YAF2: variants seen among roughly 807,000 people sequenced by gnomAD.
YAF2 encodes the protein YY1-associated factor 2.
A neutral mutation model predicts 20.1 loss-of-function variants in YAF2; 7 were observed. The observed-to-expected ratio is 0.35, with a 90% CI of 0.20 to 0.65. The LOEUF (loss-of-function observed/expected upper bound fraction) is 0.65, where lower values mean the gene tolerates loss of function less well. Ranked by LOEUF, YAF2 falls within the 30% of genes least tolerant of loss-of-function variation. The pLI, the probability that YAF2 is intolerant of heterozygous loss-of-function variation, is 0.69. For missense variants in YAF2, 151 were observed against 219.2 expected (o/e 0.69, Z 1.96); for synonymous variants, 74 against 76.0 (o/e 0.97, Z 0.14).
chr12:42,160,569 G>A lies in YAF2; in HGVS notation c.*20C>T. 6.3e-7 allele frequency: 1 copy of A among 1,594,450 alleles called. No individual in the cohort carries two copies. The highest frequency in any genetic ancestry group is 8.6e-7 in the Non-Finnish European group (1 of 1,164,154). The stretch of plus-strand genomic sequence containing the variant: ...TGCATGGTAGGACAGAAGTGACTAA[G>A]AAATTGGAGAAAATAAACTTTAATG... On this transcript the variant is annotated 3_prime_UTR_variant, in exon 4 of 4. Transcript: ENST00000534854.
At chr12:42,210,387 CCTCACAGATCCACCT>C (rs1381124046) in intron 2 of YAF2, 1 of 1,531,726 alleles carries the variant, frequency 6.5e-7, no homozygotes, top group South Asian at 1.2e-5. Context: ...GGGTCTTTTC[CCTCACAGATCCACCT>C]CTCTTGCCCT....
intron 2 of YAF2, among the ~76,000 whole-genome samples, chr12:42,227,732 C>T (rs1481160877): frequency 5.3e-5 from 8 of 150,390 alleles, no homozygotes; most frequent in Admixed American, 5.3e-4. Flanking sequence ...GCAGCCACCC[C>T]GTCCGGGAGG....
intron 2 of YAF2, among the ~76,000 whole-genome samples, chr12:42,165,902 A>ATCTATCTATCTATCTATCTATCTG (rs1178134121): frequency 2.0e-4 from 29 of 146,622 alleles, no homozygotes; most frequent in African/African-American, 6.6e-4. Flanking sequence ...CTATCTATCT[A>ATCTATCTATCTATCTATCTATCTG]TCTGTCTATA....
rs567367265 is a variant in YAF2 at position 42,231,019 on chromosome 12, A to G, written c.152+6580T>C. ...ATACCTGCTGAAGTAAAGCCATTGC[A>G]TGTAGAAACCCAAGCCAATAAACTC... On this transcript the variant is annotated intron_variant, in intron 2 of 3. Transcript: ENST00000534854. Among the ~76,000 whole-genome samples the G allele has an allele frequency of 1.6e-3, 247 of 152,346 alleles. 1 individual carries two copies. The highest frequency in any genetic ancestry group is 8.3e-3 in the South Asian group (40 of 4,826).
At chr12:42,231,060 C>T (rs1411807872) in intron 2 of YAF2, among the ~76,000 whole-genome samples, 7 of 152,152 alleles carry the variant, frequency 4.6e-5, no homozygotes, top group African/African-American at 1.2e-4. Flanking sequence ...CAGCAGTTCA[C>T]AAACTTTTTG....
At chr12:42,213,281 T>C (rs374948198) in intron 2 of YAF2, among the ~76,000 whole-genome samples, 16 of 152,370 alleles carry the variant, frequency 1.1e-4, no homozygotes, top group Middle Eastern at 6.8e-3. Context: ...GAAGCAGGTG[T>C]TCTAAGGTCT....
At chr12:42,219,104 A>G (rs2067443052) in intron 2 of YAF2, among the ~76,000 whole-genome samples, 1 of 152,248 alleles carries the variant, frequency 6.6e-6, no homozygotes, top group Non-Finnish European at 1.5e-5. Flanking sequence ...ACAAATTAAG[A>G]GAAATCCTAA....
intron 2 of YAF2, among the ~76,000 whole-genome samples, chr12:42,196,784 A>G (rs946153690): frequency 2.0e-5 from 3 of 152,230 alleles, no homozygotes; most frequent in African/African-American, 7.2e-5. Context: ...TAGCCATTAA[A>G]TTTCTTTGAA....
chr12:42,178,406 G>T lies in YAF2; in HGVS notation c.153-16641C>A, dbSNP rs554118327. 1.2e-4 allele frequency among the ~76,000 whole-genome samples: 19 copies of T among 152,152 alleles called. No homozygotes were observed. The South Asian group carries it at 1.9e-3, about 15-fold the overall frequency. On this transcript the variant is annotated intron_variant, in intron 2 of 3. Transcript: ENST00000534854. ...GGCCTATAAAACAAGATCAAATCAG[G>T]ATCTGCCAGGTGAAGCAAATTATTA...
At chr12:42,197,248 A>G (rs563636864) in intron 2 of YAF2, among the ~76,000 whole-genome samples, 1 of 152,322 alleles carries the variant, frequency 6.6e-6, no homozygotes, top group Non-Finnish European at 1.5e-5. Context: ...TGTTCTTTCT[A>G]GACTGGTGTT....
chr12:42,189,443 A>C (rs2066557188), intron 2 of YAF2, among the ~76,000 whole-genome samples: 1 of 152,236 alleles, frequency 6.6e-6, no homozygotes, highest in Non-Finnish European at 1.5e-5. Flanking sequence ...TAAAACACTG[A>C]ATCCATTTTC....
intron 2 of YAF2, among the ~76,000 whole-genome samples, chr12:42,207,653 G>A (rs1010544868): frequency 2.6e-5 from 4 of 152,196 alleles, no homozygotes; most frequent in Admixed American, 2.6e-4. Flanking sequence ...AGCACTTTGG[G>A]AGGCCGAGGC....
chr12:42,165,525 GTGATCTCAGGTCAC>G (rs1470788956), intron 2 of YAF2, among the ~76,000 whole-genome samples: 1 of 151,998 alleles, frequency 6.6e-6, no homozygotes, highest in African/African-American at 2.4e-5. Flanking sequence ...GTGCAGTGGC[GTGATCTCAGGTCAC>G]TGCAAGCTCT....
rs1215726705 is a variant in YAF2 at position 42,210,578 on chromosome 12, T to C, written c.152+27021A>G. On this transcript the variant is annotated intron_variant, in intron 2 of 3. Transcript: ENST00000534854. ...TGAAATTGGAAATTTCAACGGTTCC[T>C]TGGTCCTCGAGGCACTCACAATAAC... is the stretch of plus-strand genomic sequence containing the variant. The C allele has an allele frequency of 2.0e-6, 3 of 1,536,130 alleles. No homozygotes were observed. The highest frequency in any genetic ancestry group is 2.6e-6 in the Non-Finnish European group (3 of 1,146,910).
At chr12:42,205,984 G>A (rs2137192433) in intron 2 of YAF2, 1 of 286,222 alleles carries the variant, frequency 3.5e-6, no homozygotes, top group South Asian at 3.3e-5. Flanking sequence ...CTCTGTGTAT[G>A]CTCTCTTCTA....
Position 42,195,252 on chromosome 12 carries a change from G to A in YAF2, c.153-33487C>T, listed in dbSNP as rs11181375. 2.4e-3 allele frequency among the ~76,000 whole-genome samples: 364 copies of A among 152,256 alleles called. 2 individuals carry two copies. Among genetic ancestry groups the A allele is most frequent in the Admixed American group, 6.0e-3 (92 of 15,292 alleles). Reference sequence around the variant, plus strand: ...GTAATAAAGGTTTGACTCATGAATCGATCTAATCAATGGATATATTATTTT... The same window carrying A: ...GTAATAAAGGTTTGACTCATGAATCAATCTAATCAATGGATATATTATTTT... On this transcript the variant is annotated intron_variant, in intron 2 of 3. Transcript: ENST00000534854.
intron 2 of YAF2, among the ~76,000 whole-genome samples, chr12:42,172,591 T>C (rs1228424842): frequency 6.6e-6 from 1 of 152,188 alleles, no homozygotes; most frequent in Non-Finnish European, 1.5e-5. Flanking sequence ...AGCCCAGAGA[T>C]AGCAGAAGTG....
chr12:42,191,630 A>G (rs1297059015), intron 2 of YAF2, among the ~76,000 whole-genome samples: 1 of 152,122 alleles, frequency 6.6e-6, no homozygotes, highest in East Asian at 1.9e-4. Flanking sequence ...CACTTATTTT[A>G]CACTGAGCAC....
chr12:42,205,662 C>T (rs1185823118), intron 2 of YAF2, among the ~76,000 whole-genome samples: 3 of 152,100 alleles, frequency 2.0e-5, no homozygotes, highest in East Asian at 3.9e-4. Context: ...CGTGAGCCAC[C>T]GTGCCCGGTC....
Sources: allele counts gnomAD v4.1 joint callset (sites outside exome capture counted in the v4.1 genomes callset), GRCh38; gene constraint gnomAD v4.1.1; transcripts MANE v1.5; gene names NCBI Gene and HGNC (gene_info 2026-07-23, HGNC 2026-07-21).